NRG3: variants seen among roughly 807,000 people sequenced by gnomAD.
NRG3 encodes pro-neuregulin-3, membrane-bound isoform.
Under a neutral mutation model 66.9 loss-of-function variants are expected in NRG3, and 31 were observed. The ratio of observed to expected loss-of-function variants is 0.46; its 90% CI spans 0.35 to 0.63. The LOEUF is 0.63. Among genes scored for constraint, NRG3 ranks in the 20% least tolerant of loss-of-function variants. The pLI, the probability that NRG3 is intolerant of heterozygous loss-of-function variation, is 0.00. For synonymous variants in NRG3, 393 were observed against 359.4 expected (o/e 1.09, Z -1.06); for missense variants, 910 against 878.9 (o/e 1.04, Z -0.45).
intron 2 of NRG3, among the ~76,000 whole-genome samples, chr10:82,587,395 C>A (rs1469576250): frequency 6.6e-6 from 1 of 151,882 alleles, no homozygotes; most frequent in Non-Finnish European, 1.5e-5. Context: ...AATTTTAATT[C>A]TTTAGATTAA....
chr10:82,855,412 T>C (rs1460582858), intron 3 of NRG3, among the ~76,000 whole-genome samples: 1 of 152,086 alleles, frequency 6.6e-6, no homozygotes, highest in African/African-American at 2.4e-5. Flanking sequence ...GTGTCTTTTT[T>C]TTAAAGAGAC....
intron 1 of NRG3, among the ~76,000 whole-genome samples, chr10:82,186,883 A>G (rs1434356387): frequency 6.6e-6 from 1 of 152,144 alleles, no homozygotes; most frequent in Admixed American, 6.6e-5. Flanking sequence ...TGGTACTGCC[A>G]GCTGTAACAC....
At chr10:81,896,598 T>C (rs990654119) in intron 1 of NRG3, among the ~76,000 whole-genome samples, 1 of 151,832 alleles carries the variant, frequency 6.6e-6, no homozygotes, top group Non-Finnish European at 1.5e-5. Flanking sequence ...CTTTTCCATA[T>C]AGATATTTAG....
chr10:82,269,843 A>G (rs1344325309), intron 1 of NRG3, among the ~76,000 whole-genome samples: 1 of 152,056 alleles, frequency 6.6e-6, no homozygotes, highest in Admixed American at 6.6e-5. Context: ...CTGCTGGTCC[A>G]AGGACCACAC....
intron 1 of NRG3, among the ~76,000 whole-genome samples, chr10:82,282,226 A>G (rs1223539459): frequency 6.6e-6 from 1 of 151,770 alleles, no homozygotes; most frequent in East Asian, 1.9e-4. Context: ...TTTTAAAGAA[A>G]CATTTTAATT....
chr10:82,011,812 G>T (rs1564735951), intron 1 of NRG3, among the ~76,000 whole-genome samples: 2 of 152,196 alleles, frequency 1.3e-5, no homozygotes, highest in African/African-American at 4.8e-5. Flanking sequence ...GAGATGGGTT[G>T]CCGTGGTCTT....
chr10:82,298,644 A>G (rs1184644384), intron 1 of NRG3, among the ~76,000 whole-genome samples: 1 of 152,154 alleles, frequency 6.6e-6, no homozygotes, highest in Non-Finnish European at 1.5e-5. Context: ...ATAATTAAAA[A>G]AAAACCTTAC....
At chr10:81,978,360 A>C (rs1245765934) in intron 1 of NRG3, among the ~76,000 whole-genome samples, 1 of 152,184 alleles carries the variant, frequency 6.6e-6, no homozygotes, top group Non-Finnish European at 1.5e-5. Flanking sequence ...AATTCTTAAA[A>C]TTTATGCTAT....
intron 3 of NRG3, among the ~76,000 whole-genome samples, chr10:82,739,984 A>AGG (rs1565262611): frequency 8.0e-6 from 1 of 124,876 alleles, no homozygotes. Context: ...GGGCTTGCTG[A>AGG]TTTCTTTCTT....
chr10:82,204,549 C>T (rs1289655479), intron 1 of NRG3, among the ~76,000 whole-genome samples: 2 of 152,166 alleles, frequency 1.3e-5, no homozygotes, highest in African/African-American at 4.8e-5. Flanking sequence ...AGGAAATTCT[C>T]CAGTCAAGTG....
At chr10:82,192,273 A>T (rs1012922705) in intron 1 of NRG3, among the ~76,000 whole-genome samples, 5 of 152,200 alleles carry the variant, frequency 3.3e-5, no homozygotes, top group African/African-American at 1.2e-4. Flanking sequence ...TAATTGCCAA[A>T]TGGAAATTAT....
chr10:81,880,043 A>T (rs935487024), intron 1 of NRG3, among the ~76,000 whole-genome samples: 2 of 152,204 alleles, frequency 1.3e-5, no homozygotes, highest in African/African-American at 4.8e-5. Context: ...TTATGAGCAC[A>T]GGCTGCAACC....
At chr10:82,021,044 A>G (rs1364042706) in intron 1 of NRG3, among the ~76,000 whole-genome samples, 1 of 151,994 alleles carries the variant, frequency 6.6e-6, no homozygotes, top group Non-Finnish European at 1.5e-5. Flanking sequence ...TGTGGTTCCT[A>G]AGAATATTGT....
At chr10:82,613,871 T>C (rs1325347586) in intron 2 of NRG3, among the ~76,000 whole-genome samples, 1 of 121,850 alleles carries the variant, frequency 8.2e-6, no homozygotes, top group Non-Finnish European at 1.6e-5. Flanking sequence ...CAGAGTGTGA[T>C]GTTCCCTTTC....
At chr10:82,242,462 T>C (rs2077048010) in intron 1 of NRG3, among the ~76,000 whole-genome samples, 2 of 152,226 alleles carry the variant, frequency 1.3e-5, no homozygotes, top group Non-Finnish European at 2.9e-5. Flanking sequence ...GTTGGGCTTG[T>C]ATTTTCTCTT....
At chr10:82,268,029 A>G (rs2078393053) in intron 1 of NRG3, among the ~76,000 whole-genome samples, 5 of 152,214 alleles carry the variant, frequency 3.3e-5, no homozygotes, top group Admixed American at 1.3e-4. Flanking sequence ...AAACTGTTAC[A>G]TGAATATCAC....
intron 1 of NRG3, among the ~76,000 whole-genome samples, chr10:81,964,395 CA>C (rs58231167): frequency 0.27 from 18,222 of 66,708 alleles, 909 homozygotes; most frequent in East Asian, 0.41. Context: ...GACTCTGTCT[CA>C]AAAAAAAAAA....
chr10:81,920,635 A>T (rs1343756259), intron 1 of NRG3, among the ~76,000 whole-genome samples: 1 of 152,242 alleles, frequency 6.6e-6, no homozygotes, highest in African/African-American at 2.4e-5. Flanking sequence ...ATCTGTAATT[A>T]TGCCAACCCC....
chr10:82,133,476 C>T (rs1303564487), intron 1 of NRG3, among the ~76,000 whole-genome samples: 2 of 152,138 alleles, frequency 1.3e-5, no homozygotes, highest in Admixed American at 6.6e-5. Context: ...AAGTTCTCTT[C>T]ATTTAGCTCC....
Sources: gnomAD v4.1 joint callset for allele counts (sites outside exome capture counted in the v4.1 genomes callset) on GRCh38, gnomAD v4.1.1 for gene constraint, MANE v1.5 for transcripts, NCBI Gene and HGNC (gene_info 2026-07-23, HGNC 2026-07-21) for gene names.